GLIPR1: variants seen among roughly 807,000 people sequenced by gnomAD.
GLIPR1 encodes the protein glioma pathogenesis-related protein 1.
In GLIPR1, 38 loss-of-function variants were observed where a neutral mutation model predicts 30.3. That is an observed-to-expected ratio of 1.26 (90% confidence interval 0.97 to 1.65). GLIPR1 has a LOEUF of 1.65. GLIPR1 is among the 40% of genes most tolerant of loss of function. The probability of loss-of-function intolerance (pLI) is 0.00; values close to 1 mark genes in which losing one functional copy is unlikely to be tolerated. For synonymous variants in GLIPR1, 122 were observed against 110.6 expected (o/e 1.10, Z -0.65); for missense variants, 285 against 326.5 (o/e 0.87, Z 0.98).
intron 2 of GLIPR1, among the ~76,000 whole-genome samples, chr12:75,490,195 T>TCACACA (rs71829276): frequency 0.086 from 12,128 of 141,526 alleles, 558 homozygotes; most frequent in Middle Eastern, 0.14. Flanking sequence ...TTATCTTATT[T>TCACACA]CACACACACA....
chr12:75,495,997 G>GTTTTTTTTTTTTTTTT (rs370713345), intron 4 of GLIPR1: 1 of 132,124 alleles, frequency 7.6e-6, no homozygotes, highest in Non-Finnish European at 1.6e-5. Context: ...TTCTGTTTTC[G>GTTTTTTTTTTTTTTTT]TTTTTTTTTT....
Position 75,502,563 on chromosome 12 carries a change from C to A in GLIPR1, c.*3585C>A, listed in dbSNP as rs1183545549. 6.6e-6 allele frequency: 1 copy of A among 152,362 alleles called. No individual in the cohort carries two copies. Among genetic ancestry groups the A allele is most frequent in the Non-Finnish European group, 1.5e-5 (1 of 68,194 alleles). 9.4% of individuals were successfully genotyped at this position (152,362 alleles called of 1,614,324 possible). On this transcript the variant is annotated 3_prime_UTR_variant, in exon 6 of 6. Coordinates refer to ENST00000266659, the MANE Select transcript of GLIPR1 (RefSeq NM_006851.3). The stretch of plus-strand genomic sequence containing the variant: ...ACTGACCTGTCTCCCACTTACATAG[C>A]ATTATTATATCTAAGGCACTGTTCT...
chr12:75,492,786 T>G (rs1290092485), intron 3 of GLIPR1: 1 of 152,228 alleles, frequency 6.6e-6, no homozygotes, highest in African/African-American at 2.4e-5. Context: ...TCTGTCTTTA[T>G]GAGAGTAATA....
Position 75,500,241 on chromosome 12 carries a change from T to C in GLIPR1, c.*1263T>C, listed in dbSNP as rs765538704. 9 of 186,566 alleles carry C rather than the reference T, an allele frequency of 4.8e-5. No individual in the cohort carries two copies. Among genetic ancestry groups the C allele is most frequent in the Non-Finnish European group, 7.7e-5 (7 of 91,474 alleles). 11.6% of individuals were successfully genotyped at this position (186,566 alleles called of 1,614,324 possible). A position where few individuals can be genotyped will look rare whatever the true frequency, so the allele number is the denominator to read the frequency against. On this transcript the variant is annotated 3_prime_UTR_variant, in exon 6 of 6. Transcript: ENST00000266659. Reference sequence around the variant, plus strand: ...TTGAACCAATTACTGGATTCAACTATATTAAGACTATTTCCTTAAATCCTA... The same window carrying C: ...TTGAACCAATTACTGGATTCAACTACATTAAGACTATTTCCTTAAATCCTA...
intron 3 of GLIPR1, chr12:75,492,587 G>A (rs566465517): frequency 6.6e-6 from 1 of 152,254 alleles, no homozygotes; most frequent in South Asian, 2.1e-4. Context: ...AAGTATTCAT[G>A]ATTTTTATTC....
chr12:75,498,712 A>G lies in GLIPR1; in HGVS notation c.638A>G (p.Gln213Arg). Reference protein sequence around the residue: ...DNLCVNRQRDQVKRYYSVVYP... With the variant: ...DNLCVNRQRDRVKRYYSVVYP... ...TTTACAGTTAACCGACAGCGAGACCAAGTCAAACGTACGTACATCAATCTT... is the reference window on the plus strand; with the variant it reads ...TTTACAGTTAACCGACAGCGAGACCGAGTCAAACGTACGTACATCAATCTT... Residue 213 changes from glutamine to arginine, a missense_variant, in exon 5 of 6, where the codon CAA becomes CGA. Gln to Arg is a conservative substitution (Grantham distance 43, BLOSUM62 1). Transcript: ENST00000266659. 2 of 1,613,018 alleles carry G rather than the reference A, an allele frequency of 1.2e-6. No individual in the cohort carries two copies. The highest frequency in any genetic ancestry group is 1.7e-6 in the Non-Finnish European group (2 of 1,179,158).
intron 2 of GLIPR1, among the ~76,000 whole-genome samples, chr12:75,486,202 A>T (rs1001116454): frequency 2.0e-5 from 3 of 152,216 alleles, no homozygotes; most frequent in Non-Finnish European, 4.4e-5. Flanking sequence ...ATTAAACATG[A>T]TGTCACATGT....
chr12:75,489,127 G>A (rs1439625841), intron 2 of GLIPR1, among the ~76,000 whole-genome samples: 4 of 152,078 alleles, frequency 2.6e-5, no homozygotes, highest in African/African-American at 4.8e-5. Context: ...CTATATAATT[G>A]AATTTGTGGA....
Position 75,499,934 on chromosome 12 carries a change from T to A in GLIPR1, c.*956T>A, listed in dbSNP as rs753590345. The A allele has an allele frequency of 3.1e-6, 5 of 1,601,602 alleles. No individual in the cohort carries two copies. In the South Asian group the frequency reaches 4.5e-5, roughly 15 times the overall value. On this transcript the variant is annotated 3_prime_UTR_variant, in exon 6 of 6. Coordinates refer to ENST00000266659, the MANE Select transcript of GLIPR1 (RefSeq NM_006851.3). Reference sequence around the variant, plus strand: ...TTTTCCTTGATGCTGGCCACATCAATTTTAGTTTCAGTAGAAGCTAGACAA... The same window carrying A: ...TTTTCCTTGATGCTGGCCACATCAAATTTAGTTTCAGTAGAAGCTAGACAA...
rs1352148909 is a variant in GLIPR1 at position 75,495,649 on chromosome 12, G to A, written c.606G>A (p.Leu202=). The change falls in exon 4 of 6, where the codon TTG becomes TTA. Residue 202 remains leucine (L), a synonymous_variant. Transcript: ENST00000266659. ...CSACPNNDKC[L]DNLCVNRQRD... ...CCTGCCCCAATAATGACAAGTGTTT[G>A]GACAATCTCTGTGGTGAGTAAAAGG... 1 of 1,603,058 alleles carries A rather than the reference G, an allele frequency of 6.2e-7. No homozygotes were observed. Among genetic ancestry groups the A allele is most frequent in the Non-Finnish European group, 8.5e-7 (1 of 1,170,190 alleles).
At chr12:75,497,938 A>T (rs2046361655) in intron 4 of GLIPR1, 1 of 152,192 alleles carries the variant, frequency 6.6e-6, no homozygotes, top group African/African-American at 2.4e-5. Flanking sequence ...TTTCATCGAC[A>T]TAACTGCCAA....
chr12:75,503,644 TG>T lies in GLIPR1; in HGVS notation c.*4668del, dbSNP rs2046408959. On this transcript the variant is annotated 3_prime_UTR_variant, in exon 6 of 6. Coordinates refer to ENST00000266659, the MANE Select transcript of GLIPR1 (RefSeq NM_006851.3). ...TGCAGACTAAACGAACTTTTATCCA[TG>T]GAACATTTACAGTGGCTACAGGGTC... is the stretch of plus-strand genomic sequence containing the variant. The T allele has an allele frequency of 3.5e-6, 1 of 289,590 alleles. No homozygotes were observed. Among genetic ancestry groups the T allele is most frequent in the African/African-American group, 2.2e-5 (1 of 46,064 alleles). The allele number at this position is 289,590 out of a possible 1,614,324, so 17.9% of individuals were successfully genotyped here. A position where few individuals can be genotyped will look rare whatever the true frequency, so the allele number is the denominator to read the frequency against.
intron 2 of GLIPR1, among the ~76,000 whole-genome samples, chr12:75,488,983 A>C (rs1315190501): frequency 6.6e-6 from 1 of 152,250 alleles, no homozygotes; most frequent in Non-Finnish European, 1.5e-5. Flanking sequence ...TCAAAAACTT[A>C]TGAGTAAAAA....
intron 1 of GLIPR1, 22 bp from the exon 2 acceptor site, chr12:75,481,812 T>A: frequency 6.2e-7 from 1 of 1,611,742 alleles, no homozygotes; most frequent in Non-Finnish European, 8.5e-7. Flanking sequence ...AACCCCCTAT[T>A]GTTTAATGTT....
intron 2 of GLIPR1, among the ~76,000 whole-genome samples, chr12:75,487,355 A>C (rs758824474): frequency 1.3e-5 from 2 of 152,244 alleles, no homozygotes; most frequent in Non-Finnish European, 2.9e-5. Flanking sequence ...AGAAATTTTA[A>C]AAATAAAACA....
chr12:75,485,763 G>A (rs532422722), intron 2 of GLIPR1, among the ~76,000 whole-genome samples: 1 of 152,030 alleles, frequency 6.6e-6, no homozygotes, highest in East Asian at 1.9e-4. Context: ...TTTTAGCCGG[G>A]ATGGTCTCGA....
In GLIPR1 at chr12:75,498,708, G is replaced by C. The variant is rs1226048315; in HGVS notation, c.634G>C (p.Asp212His). 1.2e-6 allele frequency: 2 copies of C among 1,612,580 alleles called. No homozygotes were observed. The highest frequency in any genetic ancestry group is 3.3e-5 in the Admixed American group (2 of 59,920). ...TAACTTTACAGTTAACCGACAGCGA[G>C]ACCAAGTCAAACGTACGTACATCAA... ...LDNLCVNRQR[D>H]QVKRYYSVVY... The change falls in exon 5 of 6, where the codon GAC (aspartate) becomes CAC (histidine). Residue 212 changes from aspartate to histidine, a missense_variant. Transcript: ENST00000266659.
rs1187928456 is a variant in GLIPR1 at position 75,490,232 on chromosome 12, CA to C, written c.421-173del. ...ACACACACACACACACACACACACA[CA>C]CCCCAATAATGGTAACTACAGGTCT... On this transcript the variant is annotated intron_variant, in intron 2 of 5. Transcript: ENST00000266659. Among the ~76,000 whole-genome samples the C allele has an allele frequency of 3.6e-3, 517 of 143,998 alleles. 1 individual carries two copies. The highest frequency in any genetic ancestry group is 7.5e-3 in the Admixed American group (109 of 14,476). The allele number at this position is 143,998 out of a possible 152,430, so 94.5% of individuals were successfully genotyped here. A position where few individuals can be genotyped will look rare whatever the true frequency, so the allele number is the denominator to read the frequency against.
rs373922981 is a variant in GLIPR1 at position 75,501,982 on chromosome 12, T to A, written c.*3004T>A. 16 of 1,611,586 alleles carry A rather than the reference T, an allele frequency of 9.9e-6. No homozygotes were observed. The highest frequency in any genetic ancestry group is 1.8e-4 in the Middle Eastern group (1 of 5,524). ...TTTGCCTTCAAAAAGTATTCACCAC[T>A]AGCCAATTCTTTATCGATCTGTTGA... is the stretch of plus-strand genomic sequence containing the variant. On this transcript the variant is annotated 3_prime_UTR_variant, in exon 6 of 6. Coordinates refer to ENST00000266659, the MANE Select transcript of GLIPR1 (RefSeq NM_006851.3).
Sources: allele counts gnomAD v4.1 joint callset (sites outside exome capture counted in the v4.1 genomes callset), GRCh38; gene constraint gnomAD v4.1.1; transcripts MANE v1.5; gene names NCBI Gene and HGNC (gene_info 2026-07-23, HGNC 2026-07-21).